The following SEMA3D variants were observed in gnomAD, a reference collection of about 807,000 sequenced individuals.
SEMA3D encodes semaphorin 3D, also known as semaphorin-3D.
Under a neutral mutation model 100.1 loss-of-function variants are expected in SEMA3D, and 84 were observed. That is an observed-to-expected ratio of 0.84 (90% CI 0.70 to 1.01). The LOEUF (loss-of-function observed/expected upper bound fraction) is 1.01, where lower values mean the gene tolerates loss of function less well. Among genes scored for constraint, SEMA3D ranks in the 50% least tolerant of loss-of-function variants. The probability of loss-of-function intolerance (pLI) is 0.00; values close to 1 mark genes in which losing one functional copy is unlikely to be tolerated. For missense variants in SEMA3D, 875 were observed against 934.1 expected, an observed-to-expected ratio of 0.94 and a Z score of 0.82; for synonymous variants, 312 against 320.7, an observed-to-expected ratio of 0.97 and a Z score of 0.29.
the SEMA3D span, among the ~76,000 whole-genome samples, chr7:85,193,928 C>G: frequency 5.3e-5 from 8 of 150,200 alleles, no homozygotes; most frequent in South Asian, 1.5e-3. Flanking sequence ...GAACCAGAGT[C>G]AGATATGGCA....
At chr7:85,065,640 A>G in intron 7 of SEMA3D, 88 bp from the exon 8 acceptor site, 1 of 956,486 alleles carries the variant, frequency 1.0e-6, no homozygotes, top group Non-Finnish European at 1.6e-6. Context: ...CATGACACCA[A>G]AGATGTTTGT....
chr7:85,123,129 G>A (rs1188499939), intron 2 of SEMA3D, among the ~76,000 whole-genome samples: 1 of 152,088 alleles, frequency 6.6e-6, no homozygotes, highest in Non-Finnish European at 1.5e-5. Flanking sequence ...CGGCAAGTAA[G>A]AGATGGATCA....
At chr7:85,051,100 C>T (rs536465222) in intron 9 of SEMA3D, among the ~76,000 whole-genome samples, 2 of 151,890 alleles carry the variant, frequency 1.3e-5, no homozygotes, top group African/African-American at 4.8e-5. Flanking sequence ...GTTTTTGGCA[C>T]CTTCCTCAGT....
intron 2 of SEMA3D, among the ~76,000 whole-genome samples, chr7:85,126,928 C>G (rs1329029005): frequency 6.6e-6 from 1 of 152,062 alleles, no homozygotes; most frequent in Non-Finnish European, 1.5e-5. Flanking sequence ...TAAATTTATC[C>G]TATCCTTTCT....
chr7:85,081,620 A>G lies in SEMA3D; in HGVS notation c.313-41T>C, dbSNP rs769365937. 2.2e-6 allele frequency: 3 copies of G among 1,333,948 alleles called. No homozygotes were observed. The African/African-American group carries it at 4.3e-5, about 19-fold the overall frequency. The allele number at this position is 1,333,948 out of a possible 1,614,324, so 82.6% of individuals were successfully genotyped here. Reference sequence around the variant, plus strand: ...AAGTATGTTACAACCTGAATATCTGAAACACCCTAACACTCTGCAATTCTG... The same window carrying G: ...AAGTATGTTACAACCTGAATATCTGGAACACCCTAACACTCTGCAATTCTG... On this transcript the variant is annotated intron_variant, in intron 4 of 18. Transcript: ENST00000284136.
rs186788006 is a variant in SEMA3D, at chr7:85,074,869, C to T, written c.376-1788G>A. ...TCCTGGCCTCAAGCAATCCTCTCTC[C>T]GTGGCCTTCCAAAGTGCTAGGATTA... On this transcript the variant is annotated intron_variant, in intron 5 of 18. Coordinates refer to ENST00000284136, the MANE Select transcript of SEMA3D (RefSeq NM_001384900.1). Among the ~76,000 whole-genome samples, 21 of 152,168 alleles carry T rather than the reference C, an allele frequency of 1.4e-4. No individual in the cohort carries two copies. The East Asian group carries it at 2.7e-3, about 20-fold the overall frequency.
intron 3 of SEMA3D, among the ~76,000 whole-genome samples, chr7:85,111,778 T>C (rs970722484): frequency 2.0e-4 from 30 of 152,158 alleles, no homozygotes; most frequent in African/African-American, 6.5e-4. Context: ...CTCTCTCCTG[T>C]TAATTGTCTA....
the SEMA3D span, among the ~76,000 whole-genome samples, chr7:85,197,407 A>G: frequency 6.6e-6 from 1 of 151,948 alleles, no homozygotes; most frequent in Non-Finnish European, 1.5e-5. Flanking sequence ...AACCCAACCA[A>G]TTTTCAACCA....
chr7:85,055,912 C>G (rs574721467), intron 8 of SEMA3D, 53 bp from the exon 9 acceptor site: 6 of 1,019,616 alleles, frequency 5.9e-6, no homozygotes, highest in African/African-American at 3.4e-5. Flanking sequence ...ATCCAGTCAT[C>G]ATAGTTTGAT....
Position 85,072,985 on chromosome 7 carries a change from T to C in SEMA3D, c.472A>G (p.Ile158Val), listed in dbSNP as rs1380775052. Residue 158 changes from isoleucine to valine, a missense_variant, in exon 6 of 19, where the codon ATT (isoleucine) becomes GTT (valine). By Grantham distance (29) the Ile-to-Val change is conservative. Transcript: ENST00000284136. Reference sequence around the variant, plus strand: ...ACCTCCTTGTAGACTCCAAGATCAATATACCCACATATTGGATGAAATGCT... The same window carrying C: ...ACCTCCTTGTAGACTCCAAGATCAACATACCCACATATTGGATGAAATGCT... The part of the protein sequence containing the change: ...TGAFHPICGY[I>V]DLGVYKEDII... 1.2e-6 allele frequency: 2 copies of C among 1,609,706 alleles called. No homozygotes were observed. Among genetic ancestry groups the C allele is most frequent in the Non-Finnish European group, 1.7e-6 (2 of 1,177,204 alleles).
intron 3 of SEMA3D, among the ~76,000 whole-genome samples, chr7:85,121,537 G>A (rs1285743007): frequency 6.6e-6 from 1 of 152,178 alleles, no homozygotes; most frequent in African/African-American, 2.4e-5. Context: ...ATACTGGGCT[G>A]AAAAGGGTAC....
intron 1 of SEMA3D, among the ~76,000 whole-genome samples, chr7:85,182,050 C>T (rs1354844219): frequency 2.0e-5 from 3 of 151,894 alleles, no homozygotes; most frequent in East Asian, 1.9e-4. Flanking sequence ...TGTTTATCAG[C>T]GTATTTCTTG....
intron 14 of SEMA3D, among the ~76,000 whole-genome samples, chr7:85,018,977 G>A (rs1420638031): frequency 6.6e-6 from 1 of 151,534 alleles, no homozygotes; most frequent in Admixed American, 6.6e-5. Context: ...TTTGCTAATT[G>A]ACAAGCAGTA....
intron 11 of SEMA3D, among the ~76,000 whole-genome samples, chr7:85,038,521 A>G (rs1027537665): frequency 1.3e-5 from 2 of 152,206 alleles, no homozygotes; most frequent in African/African-American, 4.8e-5. Flanking sequence ...GGCATTAAAA[A>G]CAAAACAATA....
intron 4 of SEMA3D, among the ~76,000 whole-genome samples, chr7:85,095,664 A>G (rs1383335909): frequency 1.3e-5 from 2 of 152,076 alleles, no homozygotes; most frequent in Non-Finnish European, 2.9e-5. Flanking sequence ...AGTGATTTAT[A>G]TAAATTGGAA....
chr7:85,248,227 T>C, the SEMA3D span, among the ~76,000 whole-genome samples: 118 of 152,160 alleles, frequency 7.8e-4, no homozygotes, highest in African/African-American at 2.7e-3. Context: ...GAAAAGACAT[T>C]GTAGGCCAGA....
At chr7:85,192,586 G>A in the SEMA3D span, among the ~76,000 whole-genome samples, 6 of 152,094 alleles carry the variant, frequency 3.9e-5, no homozygotes, top group South Asian at 6.2e-4. Context: ...ATTTAACGTC[G>A]GAGCTACTGC....
the SEMA3D span, among the ~76,000 whole-genome samples, chr7:85,198,261 A>G: frequency 6.6e-6 from 1 of 152,038 alleles, no homozygotes; most frequent in African/African-American, 2.4e-5. Flanking sequence ...ATTACTAGGT[A>G]TTTTAACTTT....
At chr7:85,111,764 C>T (rs1789103246) in intron 3 of SEMA3D, among the ~76,000 whole-genome samples, 1 of 151,686 alleles carries the variant, frequency 6.6e-6, no homozygotes, top group Admixed American at 6.6e-5. Flanking sequence ...AGATCTAATC[C>T]CTCCTCTCTC....
Sources: allele counts gnomAD v4.1 joint callset (sites outside exome capture counted in the v4.1 genomes callset), GRCh38; gene constraint gnomAD v4.1.1; transcripts MANE v1.5; gene names NCBI Gene and HGNC (gene_info 2026-07-23, HGNC 2026-07-21).